TUBGCP3: variants seen among roughly 807,000 people sequenced by gnomAD.
TUBGCP3 encodes the protein tubulin gamma complex component 3.
Under a neutral mutation model 123.1 loss-of-function variants are expected in TUBGCP3, and 50 were observed. The observed-to-expected ratio is 0.41, with a 90% CI of 0.32 to 0.51. The LOEUF (loss-of-function observed/expected upper bound fraction) is 0.51, where lower values mean the gene tolerates loss of function less well. Ranked by LOEUF, TUBGCP3 falls within the 20% of genes least tolerant of loss-of-function variation. The pLI is 0.36. For missense variants in TUBGCP3, 882 were observed against 1,127.0 expected (o/e 0.78, Z 3.11); for synonymous variants, 405 against 413.9 (o/e 0.98, Z 0.26).
intron 17 of TUBGCP3, 104 bp downstream of exon 17, chr13:112,516,336 C>A: frequency 4.0e-6 from 5 of 1,238,770 alleles, no homozygotes; most frequent in South Asian, 4.7e-5. Flanking sequence ...TAGCTGTCAC[C>A]GTGAGTCTAC....
intron 8 of TUBGCP3, among the ~76,000 whole-genome samples, chr13:112,550,968 G>A (rs977495651): frequency 1.3e-4 from 20 of 152,142 alleles, no homozygotes; most frequent in African/African-American, 3.6e-4. Flanking sequence ...GCGTGGTGGT[G>A]GGTGCCTGTG....
At chr13:112,548,200 A>G in intron 8 of TUBGCP3, 24 bp from the exon 9 acceptor site, 1 of 1,573,990 alleles carries the variant, frequency 6.4e-7, no homozygotes. Context: ...AAATATAATT[A>G]AAGCACGACA....
Position 112,518,976 on chromosome 13 carries a change from G to C in TUBGCP3, c.1949C>G (p.Thr650Ser). The C allele has an allele frequency of 6.2e-7, 1 of 1,612,158 alleles. No individual in the cohort carries two copies. Among genetic ancestry groups the C allele is most frequent in the Non-Finnish European group, 8.5e-7 (1 of 1,178,204 alleles). ...LDYHVDGPIA[T>S]VFTRECMSHY... is the part of the protein sequence containing the mutation. Reference sequence around the variant, plus strand: ...TAAAATGATGCAGGATAATCTTACAGTTGCAATTGGTCCGTCAACATGATA... The same window carrying C: ...TAAAATGATGCAGGATAATCTTACACTTGCAATTGGTCCGTCAACATGATA... The change falls in exon 16 of 22, where the codon ACT (threonine) becomes AGT (serine). Residue 650 changes from threonine to serine, a missense_variant and splice_region_variant. Transcript: ENST00000261965.
intron 11 of TUBGCP3, among the ~76,000 whole-genome samples, chr13:112,540,900 T>C (rs894478989): frequency 6.6e-6 from 1 of 152,248 alleles, no homozygotes; most frequent in African/African-American, 2.4e-5. Flanking sequence ...AATATTATAC[T>C]CAATAGACAT....
chr13:112,559,737 G>C (rs1167004347), intron 3 of TUBGCP3, among the ~76,000 whole-genome samples: 1 of 152,154 alleles, frequency 6.6e-6, no homozygotes, highest in Non-Finnish European at 1.5e-5. Flanking sequence ...GTAATTATGA[G>C]ACAAAGCCAT....
chr13:112,504,799 ATCTT>A, intron 17 of TUBGCP3, 85 bp from the exon 18 acceptor site: 2 of 1,078,880 alleles, frequency 1.9e-6, no homozygotes, highest in Non-Finnish European at 2.8e-6. Flanking sequence ...CCTGCAAGCT[ATCTT>A]AAAACAAAAA....
chr13:112,548,090 T>C lies in TUBGCP3; in HGVS notation c.1035+18A>G, dbSNP rs1879219516. 6.5e-7 allele frequency: 1 copy of C among 1,542,596 alleles called. No individual in the cohort carries two copies. Among genetic ancestry groups the C allele is most frequent in the African/African-American group, 1.4e-5 (1 of 71,790 alleles). On this transcript the variant is annotated intron_variant, in intron 9 of 21. Coordinates refer to ENST00000261965, the MANE Select transcript of TUBGCP3 (RefSeq NM_006322.6). ...ACTTCAAATCATAAAGAAATAAAAA[T>C]AAAAATAAAATATTTACCTGAGAAT... is the stretch of plus-strand genomic sequence containing the variant.
chr13:112,555,787 G>C (rs1439295014), intron 6 of TUBGCP3, among the ~76,000 whole-genome samples: 3 of 152,192 alleles, frequency 2.0e-5, no homozygotes, highest in African/African-American at 7.2e-5. Context: ...GAACAGCAAA[G>C]ACGAGAGATG....
In TUBGCP3 at chr13:112,511,830, G is replaced by A. The variant is rs1025103733; in HGVS notation, c.2086+4610C>T. ...GAGGTTTGACTGTGGTATCTCCGAA[G>A]TGCCTTCTACTTGAAAGCTTTCTAA... On this transcript the variant is annotated intron_variant, in intron 17 of 21. Transcript: ENST00000261965. This position sits in a 1 kb window ranked among gnomAD's most constrained non-coding sequence, Gnocchi z 4.1. Among the ~76,000 whole-genome samples, 1 of 152,114 alleles carries A rather than the reference G, an allele frequency of 6.6e-6. No homozygotes were observed. Among genetic ancestry groups the A allele is most frequent in the Non-Finnish European group, 1.5e-5 (1 of 68,018 alleles).
At chr13:112,530,361 T>C (rs1056934751) in intron 11 of TUBGCP3, among the ~76,000 whole-genome samples, 1 of 152,262 alleles carries the variant, frequency 6.6e-6, no homozygotes, top group Non-Finnish European at 1.5e-5. Flanking sequence ...TAAAAATAGA[T>C]TGTTCTTAAC....
chr13:112,507,930 A>T (rs1594120233), intron 17 of TUBGCP3, among the ~76,000 whole-genome samples: 2 of 152,250 alleles, frequency 1.3e-5, no homozygotes, highest in East Asian at 3.9e-4. Flanking sequence ...TAGATTCTTT[A>T]ATGTCACACT....
chr13:112,581,192 C>T (rs927245676), intron 1 of TUBGCP3, among the ~76,000 whole-genome samples: 5 of 151,964 alleles, frequency 3.3e-5, no homozygotes, highest in Admixed American at 6.6e-5. Context: ...AGGACTCACA[C>T]CCCCCCATCT....
chr13:112,559,321 C>T lies in TUBGCP3; in HGVS notation c.330+1G>A. 1 of 1,610,744 alleles carries T rather than the reference C, an allele frequency of 6.2e-7. No individual in the cohort carries two copies. Among genetic ancestry groups the T allele is most frequent in the Non-Finnish European group, 8.5e-7 (1 of 1,178,512 alleles). Reference sequence around the variant, plus strand: ...GACGCTGCAAAGGCAAAGCCACTTACCTTGCTTGGCTGCCTGCGTGGGTCC... The same window carrying T: ...GACGCTGCAAAGGCAAAGCCACTTATCTTGCTTGGCTGCCTGCGTGGGTCC... On this transcript the variant is annotated splice_donor_variant, in intron 4 of 21. Transcript: ENST00000261965. LOFTEE classifies it high-confidence loss of function.
intron 5 of TUBGCP3, among the ~76,000 whole-genome samples, chr13:112,557,105 AAAAC>A (rs1456171986): frequency 6.6e-6 from 1 of 152,226 alleles, no homozygotes. Context: ...AACATTCACT[AAAAC>A]TATGTCTCTG....
chr13:112,572,421 C>G (rs962801280), intron 1 of TUBGCP3, among the ~76,000 whole-genome samples: 4 of 152,076 alleles, frequency 2.6e-5, no homozygotes, highest in Non-Finnish European at 5.9e-5. Flanking sequence ...CGCCCCTCAC[C>G]CCCCACCCTC....
chr13:112,593,855 AAAT>A, the TUBGCP3 span, among the ~76,000 whole-genome samples: 1 of 152,170 alleles, frequency 6.6e-6, no homozygotes, highest in Non-Finnish European at 1.5e-5. Context: ...GGAATAAAAG[AAAT>A]AACATACAAG....
intron 19 of TUBGCP3, 91 bp downstream of exon 19, chr13:112,503,941 G>C: frequency 6.9e-7 from 1 of 1,444,816 alleles, no homozygotes; most frequent in Non-Finnish European, 9.3e-7. Flanking sequence ...GGCTGCATCA[G>C]GGCATTTCTA....
At chr13:112,513,991 C>T (rs1284820403) in intron 17 of TUBGCP3, among the ~76,000 whole-genome samples, 2 of 152,172 alleles carry the variant, frequency 1.3e-5, no homozygotes, top group African/African-American at 4.8e-5. Context: ...CTTTGTCCAG[C>T]AAATTCATGG....
chr13:112,570,457 A>T (rs9577811), intron 1 of TUBGCP3, among the ~76,000 whole-genome samples: 23,985 of 152,256 alleles, frequency 0.16, 2,152 homozygotes, highest in East Asian at 0.21. Flanking sequence ...TAGGTTTAAT[A>T]TACTGTGGTC....
Sources: gnomAD v4.1 joint callset for allele counts (sites outside exome capture counted in the v4.1 genomes callset) on GRCh38, gnomAD v4.1.1 for gene constraint, Gnocchi (gnomAD v3.1) non-coding constraint, MANE v1.5 for transcripts, NCBI Gene and HGNC (gene_info 2026-07-23, HGNC 2026-07-21) for gene names.